PAX2: variants seen among roughly 807,000 people sequenced by gnomAD.
PAX2 encodes the protein paired box 2, also known as paired box protein Pax-2.
PAX2 carries 9 observed loss-of-function variants against 41.7 expected under a neutral mutation model. That is an observed-to-expected ratio of 0.22 (90% confidence interval 0.13 to 0.38). The LOEUF is 0.38. Ranked by LOEUF, PAX2 falls within the 10% of genes least tolerant of loss-of-function variation. The pLI, the probability that PAX2 is intolerant of heterozygous loss-of-function variation, is 1.00. For synonymous variants in PAX2, 221 were observed against 212.7 expected, an observed-to-expected ratio of 1.04 and a Z score of -0.34; for missense variants, 418 against 531.6, an observed-to-expected ratio of 0.79 and a Z score of 2.10.
chr10:100,827,580 C>G lies in PAX2; in HGVS notation c.1146C>G (p.Ser382=). 1 of 1,613,686 alleles carries G rather than the reference C, an allele frequency of 6.2e-7. No homozygotes were observed. The highest frequency in any genetic ancestry group is 8.5e-7 in the Non-Finnish European group (1 of 1,179,606). The change falls in exon 10 of 10, where the codon TCC becomes TCG. Residue 382 remains serine, a synonymous_variant. Coordinates refer to ENST00000355243, the MANE Select transcript of PAX2 (RefSeq NM_000278.5). This position sits in a 1 kb window ranked among gnomAD's most constrained non-coding sequence, Gnocchi z 8.5. The part of the protein sequence containing the change: ...PYYYSAAPRG[S]APAAAAAAYD... ...ATTATAGTGCCGCCCCCCGGGGCTC[C>G]GCCCCTGCCGCTGCTGCCGCTGCCT...
intron 5 of PAX2, among the ~76,000 whole-genome samples, chr10:100,803,783 C>T (rs2133944204): frequency 6.6e-6 from 1 of 152,182 alleles, no homozygotes; most frequent in South Asian, 2.1e-4. Context: ...CCCACTGCCA[C>T]CTCTTCCAGT....
At chr10:100,751,967 C>T (rs933473863) in intron 3 of PAX2, among the ~76,000 whole-genome samples, 11 of 152,208 alleles carry the variant, frequency 7.2e-5, no homozygotes, top group African/African-American at 2.7e-4. Context: ...ATCAGGGCAA[C>T]TAATAATTCA....
intron 1 of PAX2, chr10:100,747,739 C>T: frequency 9.1e-6 from 9 of 984,898 alleles, no homozygotes; most frequent in Non-Finnish European, 1.1e-5. Context: ...AGGAAAGCCG[C>T]GCCGAGGGCA....
At chr10:100,816,841 G>T (rs1848202325) in intron 7 of PAX2, among the ~76,000 whole-genome samples, 1 of 152,210 alleles carries the variant, frequency 6.6e-6, no homozygotes, top group Non-Finnish European at 1.5e-5. Context: ...AGGCAGGGAA[G>T]GAGGAAATCC....
At chr10:100,788,460 C>G (rs1465187107) in intron 5 of PAX2, among the ~76,000 whole-genome samples, 1 of 152,246 alleles carries the variant, frequency 6.6e-6, no homozygotes, top group African/African-American at 2.4e-5. Flanking sequence ...GCCTGGCTTC[C>G]CAGGCCCTGG....
intron 1 of PAX2, among the ~76,000 whole-genome samples, chr10:100,736,427 T>C (rs10732789): frequency 0.8 from 121,507 of 152,154 alleles, 48,755 homozygotes; most frequent in East Asian, 1. Context: ...CCTGGTGTTG[T>C]ACAGCGGTGG....
Position 100,805,018 on chromosome 10 carries a change from TCACATACA to T in PAX2, c.617-1407_617-1400del, listed in dbSNP as rs746118677. Reference sequence around the variant, plus strand: ...CTCTCCTTCTCTCTCTCTCTCTCTCTCACATACACACACACACACACACACACACACAC... The same window carrying T: ...CTCTCCTTCTCTCTCTCTCTCTCTCTCACACACACACACACACACACACAC... On this transcript the variant is annotated intron_variant, in intron 5 of 9. Transcript: ENST00000355243. 2.9e-3 allele frequency among the ~76,000 whole-genome samples: 94 copies of T among 32,886 alleles called. No homozygotes were observed. The South Asian group carries it at 0.06, about 21-fold the overall frequency. The allele number at this position is 32,886 out of a possible 152,430, so 21.6% of individuals were successfully genotyped here.
At chr10:100,820,222 C>G (rs4919501) in intron 7 of PAX2, among the ~76,000 whole-genome samples, 1 of 152,118 alleles carries the variant, frequency 6.6e-6, no homozygotes, top group Non-Finnish European at 1.5e-5. Flanking sequence ...GACTTCTTTT[C>G]CTTTTCTTTG....
upstream of PAX2, among the ~76,000 whole-genome samples, chr10:100,743,224 C>A (rs982985731): frequency 6.6e-6 from 1 of 152,166 alleles, no homozygotes; most frequent in Admixed American, 6.5e-5. Context: ...AGGGTCTTTA[C>A]TCCTCAGAAG....
At position 100,750,671 on chromosome 10, in the gene PAX2, C is replaced by A. The variant is rs745682025; in HGVS notation, c.213-23C>A. On this transcript the variant is annotated intron_variant, in intron 2 of 9. Coordinates refer to ENST00000355243, the MANE Select transcript of PAX2 (RefSeq NM_000278.5). This position sits in a 1 kb window ranked among gnomAD's most constrained non-coding sequence, Gnocchi z 4.1. ...CCCGCCACAGTCCGCTTCTGGCTGA[C>A]CCCGCCGGCTTTCCCGGCGCAGGTA... 1.6e-5 allele frequency: 26 copies of A among 1,611,004 alleles called. No homozygotes were observed. Among genetic ancestry groups the A allele is most frequent in the Non-Finnish European group, 1.4e-5 (16 of 1,177,550 alleles).
At position 100,762,479 on chromosome 10, in the gene PAX2, G is replaced by A. The variant is rs897656851; in HGVS notation, c.410+11588G>A. On this transcript the variant is annotated intron_variant, in intron 3 of 9. Coordinates refer to ENST00000355243, the MANE Select transcript of PAX2 (RefSeq NM_000278.5). ...CCCTTGCAAGGAGTCATTTAGTGCC[G>A]TGATCCCTTGATAAAAGTGGTAATC... 7.9e-5 allele frequency among the ~76,000 whole-genome samples: 12 copies of A among 152,258 alleles called. No individual in the cohort carries two copies. The South Asian group carries it at 8.3e-4, about 11-fold the overall frequency.
chr10:100,819,663 C>G (rs769419265), intron 7 of PAX2, among the ~76,000 whole-genome samples: 14 of 152,130 alleles, frequency 9.2e-5, no homozygotes, highest in Non-Finnish European at 1.9e-4. Context: ...GTTAAGGACA[C>G]CGCCCAGCAT....
chr10:100,783,418 G>A (rs983242742), intron 5 of PAX2, among the ~76,000 whole-genome samples: 7 of 152,222 alleles, frequency 4.6e-5, no homozygotes, highest in African/African-American at 1.7e-4. Context: ...ACATGGCCAG[G>A]AAGGGCTGCT....
At chr10:100,754,735 A>G (rs563210428) in intron 3 of PAX2, among the ~76,000 whole-genome samples, 1 of 152,310 alleles carries the variant, frequency 6.6e-6, no homozygotes, top group East Asian at 1.9e-4. Context: ...AATGTTGAAG[A>G]TATGTTCCGG....
chr10:100,797,672 T>A (rs1847387185), intron 5 of PAX2, among the ~76,000 whole-genome samples: 1 of 152,214 alleles, frequency 6.6e-6, no homozygotes, highest in African/African-American at 2.4e-5. Context: ...ATTTCTACAA[T>A]AGAGGTTTGG....
In PAX2 at chr10:100,746,151, C is replaced by T. The variant is rs1845161215; in HGVS notation, c.-110C>T. ...GCGCCCCGCAGCAGCCGGGCGTTCA[C>T]TCATCCTCCCTCCCCCACCGTCCCT... On this transcript the variant is annotated 5_prime_UTR_variant, in exon 1 of 10. Coordinates refer to ENST00000355243, the MANE Select transcript of PAX2 (RefSeq NM_000278.5). 4 of 1,593,842 alleles carry T rather than the reference C, an allele frequency of 2.5e-6. No individual in the cohort carries two copies. The African/African-American group carries it at 4.0e-5, about 16-fold the overall frequency.
rs1237284480 is a variant in PAX2 at position 100,826,419 on chromosome 10, C to G, written c.1022-590C>G. ...CCTCCGCTCACCGCTAGCGGACCAG[C>G]GGGCAGTCCACCTGCGCCGCCTCCA... On this transcript the variant is annotated intron_variant, in intron 8 of 9. Transcript: ENST00000355243. This position sits in a 1 kb window ranked among gnomAD's most constrained non-coding sequence, Gnocchi z 5.5. 2.6e-5 allele frequency among the ~76,000 whole-genome samples: 4 copies of G among 152,210 alleles called. No homozygotes were observed. Among genetic ancestry groups the G allele is most frequent in the African/African-American group, 9.7e-5 (4 of 41,442 alleles).
intron 1 of PAX2, among the ~76,000 whole-genome samples, chr10:100,737,510 G>A (rs1288770061): frequency 6.6e-6 from 1 of 152,238 alleles, no homozygotes; most frequent in Non-Finnish European, 1.5e-5. Flanking sequence ...TGCGGGTCTC[G>A]TGTTCCAGGC....
intron 1 of PAX2, 75 bp downstream of exon 1, chr10:100,746,378 C>T (rs554365683): frequency 7.8e-6 from 8 of 1,029,350 alleles, no homozygotes; most frequent in Admixed American, 1.7e-5. Flanking sequence ...AGCGTGGCCC[C>T]GGCCCCTCGC....
Sources: gnomAD v4.1 joint callset for allele counts (sites outside exome capture counted in the v4.1 genomes callset) on GRCh38, gnomAD v4.1.1 for gene constraint, Gnocchi (gnomAD v3.1) non-coding constraint, MANE v1.5 for transcripts, NCBI Gene and HGNC (gene_info 2026-07-23, HGNC 2026-07-21) for gene names.